POTEE: variants seen among roughly 807,000 people sequenced by gnomAD.
POTEE encodes ANKRD26-like family C member 1A.
Under a neutral mutation model 74.2 loss-of-function variants are expected in POTEE, and 21 were observed. That is an observed-to-expected ratio of 0.28 (90% confidence interval 0.20 to 0.41). The LOEUF is 0.41. POTEE is among the 10% of genes least tolerant of loss of function. The pLI is 1.00. For missense variants in POTEE, 525 were observed against 1,158.6 expected (o/e 0.45, Z 7.94); for synonymous variants, 211 against 432.8 (o/e 0.49, Z 6.36).
chr2:131,223,799 T>G, intron 5 of POTEE, 71 bp from the exon 6 acceptor site: 1 of 1,608,492 alleles, frequency 6.2e-7, no homozygotes. Flanking sequence ...ATATAACTAG[T>G]TGGTGAAAGC....
At chr2:131,221,211 A>G (rs537675120) in intron 4 of POTEE, among the ~76,000 whole-genome samples, 2,162 of 152,166 alleles carry the variant, frequency 0.014, 55 homozygotes, top group African/African-American at 0.05. Flanking sequence ...ATAGCAGTGT[A>G]TTTAGAAGAA....
At position 131,236,112 on chromosome 2, in the gene POTEE, G is replaced by A. The variant is rs1037251027; in HGVS notation, c.1127-620G>A. On this transcript the variant is annotated intron_variant, in intron 9 of 17. Transcript: ENST00000683005. ...AAAGGCAGTTAATCATATAGTGACA[G>A]TTTTGCAACCTCAGCATAGCTTATG... 2.6e-5 allele frequency among the ~76,000 whole-genome samples: 4 copies of A among 152,162 alleles called. 1 individual carries two copies. The highest frequency in any genetic ancestry group is 9.7e-5 in the African/African-American group (4 of 41,408).
intron 4 of POTEE, among the ~76,000 whole-genome samples, chr2:131,223,170 C>CT (rs1395772701): frequency 6.7e-6 from 1 of 148,406 alleles, no homozygotes; most frequent in East Asian, 2.0e-4. Context: ...ATTAAAATAT[C>CT]TAACAATTAT....
intron 4 of POTEE, among the ~76,000 whole-genome samples, chr2:131,220,084 ACTAG>A (rs1700571153): frequency 6.6e-6 from 1 of 151,978 alleles, no homozygotes; most frequent in Non-Finnish European, 1.5e-5. Flanking sequence ...TTTGGAGAAA[ACTAG>A]CTAGATTTTT....
At chr2:131,231,898 A>C (rs1312930065) in intron 9 of POTEE, among the ~76,000 whole-genome samples, 3 of 152,074 alleles carry the variant, frequency 2.0e-5, no homozygotes, top group Non-Finnish European at 4.4e-5. Flanking sequence ...TTTATCAAAG[A>C]GCTTTTGTAA....
At chr2:131,231,481 A>G (rs557310032) in intron 9 of POTEE, among the ~76,000 whole-genome samples, 4 of 152,226 alleles carry the variant, frequency 2.6e-5, no homozygotes, top group African/African-American at 9.6e-5. Flanking sequence ...TGGTCCTACC[A>G]TAGATAAAAA....
chr2:131,210,112 G>A (rs1700325596), intron 1 of POTEE, among the ~76,000 whole-genome samples: 1 of 148,618 alleles, frequency 6.7e-6, no homozygotes, highest in East Asian at 2.0e-4. Flanking sequence ...GGCAGGGAGT[G>A]GTTTGGGTGG....
chr2:131,231,025 G>T, intron 9 of POTEE, 119 bp downstream of exon 9: 2 of 804,706 alleles, frequency 2.5e-6, no homozygotes, highest in Non-Finnish European at 2.0e-6. Context: ...ATGGTTTCAG[G>T]ATTATTCAAT....
intron 9 of POTEE, among the ~76,000 whole-genome samples, chr2:131,231,274 A>G (rs1352579701): frequency 4.7e-5 from 7 of 148,370 alleles, no homozygotes; most frequent in East Asian, 2.0e-4. Context: ...TCATGCTCCA[A>G]TGAGTATCTA....
intron 8 of POTEE, among the ~76,000 whole-genome samples, chr2:131,230,536 C>G (rs1442745962): frequency 6.6e-6 from 1 of 152,102 alleles, no homozygotes; most frequent in Non-Finnish European, 1.5e-5. Context: ...AATAGCTGTT[C>G]ATTATGGAGC....
intron 2 of POTEE, among the ~76,000 whole-genome samples, chr2:131,215,960 C>CA (rs1244220919): frequency 1.3e-5 from 2 of 150,246 alleles, no homozygotes; most frequent in East Asian, 1.9e-4. Context: ...TTAGACTCCA[C>CA]AAAAAACCCA....
At chr2:131,221,624 T>G (rs1212461003) in intron 4 of POTEE, among the ~76,000 whole-genome samples, 1 of 152,250 alleles carries the variant, frequency 6.6e-6, no homozygotes, top group Non-Finnish European at 1.5e-5. Context: ...TTGGCTATCT[T>G]CTGTGAACTT....
intron 4 of POTEE, among the ~76,000 whole-genome samples, chr2:131,222,619 G>T (rs1700657841): frequency 6.6e-6 from 1 of 152,042 alleles, no homozygotes; most frequent in African/African-American, 2.4e-5. Context: ...TTTAAAAGGA[G>T]AAAATTTATA....
At chr2:131,258,495 A>T (rs1295961588) in intron 16 of POTEE, among the ~76,000 whole-genome samples, 1 of 145,152 alleles carries the variant, frequency 6.9e-6, no homozygotes, top group African/African-American at 2.5e-5. Flanking sequence ...TATGTATGTG[A>T]TAGTCATATT....
chr2:131,233,132 A>G (rs566608583), intron 9 of POTEE, among the ~76,000 whole-genome samples: 4 of 152,264 alleles, frequency 2.6e-5, no homozygotes, highest in Non-Finnish European at 5.9e-5. Context: ...GCAGGGGCTC[A>G]TTGGAGAAAT....
chr2:131,230,266 T>C (rs935133936), intron 8 of POTEE, among the ~76,000 whole-genome samples: 3 of 152,218 alleles, frequency 2.0e-5, no homozygotes, highest in Non-Finnish European at 4.4e-5. Flanking sequence ...AATTAGGACT[T>C]AATAACATTT....
At chr2:131,226,753 G>A in intron 6 of POTEE, 70 bp from the exon 7 acceptor site, 6 of 1,605,890 alleles carry the variant, frequency 3.7e-6, no homozygotes, top group Non-Finnish European at 5.1e-6. Context: ...CTTACATAAA[G>A]TTTCCACTTT....
intron 9 of POTEE, among the ~76,000 whole-genome samples, chr2:131,236,048 AC>A (rs1193525646): frequency 6.6e-6 from 1 of 152,070 alleles, no homozygotes; most frequent in African/African-American, 2.4e-5. Context: ...GAACAAAGAC[AC>A]GGCTTGGCTT....
chr2:131,211,540 G>GTGT (rs70994742), intron 2 of POTEE, among the ~76,000 whole-genome samples: 6 of 65,452 alleles, frequency 9.2e-5, no homozygotes, highest in Non-Finnish European at 1.1e-4. Flanking sequence ...GTGTGTGTGT[G>GTGT]GCTTTTTTTT....
Sources: gnomAD v4.1 joint callset for allele counts (sites outside exome capture counted in the v4.1 genomes callset) on GRCh38, gnomAD v4.1.1 for gene constraint, MANE v1.5 for transcripts, NCBI Gene and HGNC (gene_info 2026-07-23, HGNC 2026-07-21) for gene names.